SERPINB4: variants seen among roughly 807,000 people sequenced by gnomAD.
SERPINB4 encodes the protein serpin B4.
A neutral mutation model predicts 33.2 loss-of-function variants in SERPINB4; 39 were observed. The observed-to-expected ratio is 1.18, with a 90% confidence interval of 0.91 to 1.53. SERPINB4 has a LOEUF of 1.53. SERPINB4 is among the 40% of genes most tolerant of loss of function. The pLI is 0.00. For synonymous variants in SERPINB4, 191 were observed against 166.4 expected (o/e 1.15, Z -1.14); for missense variants, 564 against 455.4 (o/e 1.24, Z -2.17).
chr18:63,637,800 A>G lies in SERPINB4; in HGVS notation c.1092T>C (p.Cys364=), dbSNP rs1318958982. 6.2e-7 allele frequency: 1 copy of G among 1,613,422 alleles called. No homozygotes were observed. The highest frequency in any genetic ancestry group is 1.7e-5 in the Admixed American group (1 of 59,896). Reference sequence around the variant, plus strand: ...TGAAGAATAGGAAAGGGTGATTACAACAGAACTCTTCATTAGTTGAAGGAG... The same window carrying G: ...TGAAGAATAGGAAAGGGTGATTACAGCAGAACTCTTCATTAGTTGAAGGAG... ...LSSPSTNEEF[C]CNHPFLFFIR... Residue 364 remains cysteine (C), a synonymous_variant, in exon 8 of 8, where the codon TGT becomes TGC. Transcript: ENST00000341074.
At position 63,639,191 on chromosome 18, in the gene SERPINB4, C is replaced by G. The variant is rs147416493; in HGVS notation, c.762G>C (p.Leu254=). 4.3e-4 allele frequency: 686 copies of G among 1,607,222 alleles called. 1 individual carries two copies. The African/African-American group carries it at 8.0e-3, about 19-fold the overall frequency. The change falls in exon 7 of 8, where the codon CTG becomes CTC. Residue 254 remains leucine, a synonymous_variant. Transcript: ENST00000341074. ...TGTAGATGCAAGTTCTTACCTTCTG[C>G]AGACCATCGATTTCATTTGGCAGCA... is the stretch of plus-strand genomic sequence containing the variant. ...IVLLPNEIDG[L]QKLEEKLTAE...
Position 63,637,500 on chromosome 18 carries a change from A to G in SERPINB4, c.*219T>C, listed in dbSNP as rs1912962727. On this transcript the variant is annotated 3_prime_UTR_variant, in exon 8 of 8. Coordinates refer to ENST00000341074, the MANE Select transcript of SERPINB4 (RefSeq NM_002974.4). ...TATCTTGGACATTTTTCCTCAAGGG[A>G]AATTTTTCTGGAAGGAAAAGTACAT... is the stretch of plus-strand genomic sequence containing the variant. 6.5e-6 allele frequency: 3 copies of G among 461,442 alleles called. No individual in the cohort carries two copies. The highest frequency in any genetic ancestry group is 1.2e-4 in the South Asian group (2 of 16,734). The allele number at this position is 461,442 out of a possible 1,614,324, so 28.6% of individuals were successfully genotyped here.
intron 7 of SERPINB4, 131 bp from the exon 8 acceptor site, chr18:63,638,254 A>T: frequency 9.7e-7 from 1 of 1,033,512 alleles, no homozygotes; most frequent in Non-Finnish European, 1.4e-6. Flanking sequence ...ACTTTAATAG[A>T]CATTATTATT....
Position 63,639,331 on chromosome 18 carries a change from T to A in SERPINB4, c.622A>T (p.Lys208Ter). ...TATTGCCTCATCATCTGTACAGATTTGTATGTATTCTGCAATAAATCAATG... is the reference window on the plus strand; with the variant it reads ...TATTGCCTCATCATCTGTACAGATTAGTATGTATTCTGCAATAAATCAATG... ...EKFWPNKNTY[K>*]SVQMMRQYNS... Residue 208 changes from lysine (K) to a stop codon, truncating the protein, a stop_gained, in exon 7 of 8, where the codon AAA becomes TAA. Coordinates refer to ENST00000341074, the MANE Select transcript of SERPINB4 (RefSeq NM_002974.4). LOFTEE classifies it high-confidence loss of function. 1.9e-6 allele frequency: 3 copies of A among 1,604,338 alleles called. No individual in the cohort carries two copies. The highest frequency in any genetic ancestry group is 2.2e-5 in the East Asian group (1 of 44,646).
chr18:63,640,330 GA>G (rs1345996832), intron 5 of SERPINB4, among the ~76,000 whole-genome samples: 5 of 152,012 alleles, frequency 3.3e-5, no homozygotes, highest in Non-Finnish European at 7.4e-5. Context: ...TGGGAGGTAA[GA>G]AAGATGTCTG....
At chr18:63,641,707 G>A (rs1205164276) in intron 4 of SERPINB4, 53 bp downstream of exon 4, 9 of 1,612,222 alleles carry the variant, frequency 5.6e-6, no homozygotes, top group Non-Finnish European at 7.6e-6. Flanking sequence ...TGGCCACTCA[G>A]AGACACAGAC....
intron 1 of SERPINB4, 120 bp downstream of exon 1, chr18:63,644,089 G>A (rs1448351045): frequency 1.3e-5 from 2 of 154,942 alleles, no homozygotes; most frequent in Non-Finnish European, 2.9e-5. Flanking sequence ...ATTTTGCTCT[G>A]GCAGAATAAG....
At position 63,637,402 on chromosome 18, in the gene SERPINB4, TG is replaced by T. The variant is rs952580199; in HGVS notation, c.*316del. 2 of 217,916 alleles carry T rather than the reference TG, an allele frequency of 9.2e-6. No individual in the cohort carries two copies. The highest frequency in any genetic ancestry group is 4.6e-5 in the African/African-American group (2 of 43,944). 13.5% of individuals were successfully genotyped at this position (217,916 alleles called of 1,614,324 possible). A position where few individuals can be genotyped will look rare whatever the true frequency, so the allele number is the denominator to read the frequency against. On this transcript the variant is annotated 3_prime_UTR_variant, in exon 8 of 8. Transcript: ENST00000341074. ...TTTGAAGAGAAAGTATGATTTGGTT[TG>T]GTTCATTTAAAACAGGTCAGAAACA...
chr18:63,640,524 T>A (rs756994528), intron 5 of SERPINB4, among the ~76,000 whole-genome samples: 18 of 152,116 alleles, frequency 1.2e-4, no homozygotes, highest in Non-Finnish European at 2.4e-4. Context: ...TTCTAATGTT[T>A]TCTATTAAAT....
chr18:63,642,641 C>G (rs368921519), intron 3 of SERPINB4, among the ~76,000 whole-genome samples: 60 of 152,144 alleles, frequency 3.9e-4, no homozygotes, highest in East Asian at 2.3e-3. Context: ...CCAAAATATA[C>G]TTGGACTTGT....
At chr18:63,640,483 T>C (rs1223239030) in intron 5 of SERPINB4, among the ~76,000 whole-genome samples, 4 of 152,080 alleles carry the variant, frequency 2.6e-5, no homozygotes, top group Non-Finnish European at 5.9e-5. Flanking sequence ...AGCTGCTTGT[T>C]TCCCAATTAG....
intron 7 of SERPINB4, among the ~76,000 whole-genome samples, chr18:63,638,509 A>T (rs1407859964): frequency 2.0e-5 from 3 of 151,956 alleles, no homozygotes; most frequent in East Asian, 1.9e-4. Context: ...TAGGCTCATC[A>T]TATTTTTCTG....
At position 63,637,983 on chromosome 18, in the gene SERPINB4, T is replaced by A. The variant is rs780885763; in HGVS notation, c.909A>T (p.Gly303=). The A allele has an allele frequency of 3.7e-6, 6 of 1,613,652 alleles. No individual in the cohort carries two copies. The Admixed American group carries it at 8.4e-5, about 22-fold the overall frequency. Residue 303 remains glycine (G), a synonymous_variant, in exon 8 of 8, where the codon GGA becomes GGT. Transcript: ENST00000341074. The part of the protein sequence containing the change: ...YDLKDTLRTM[G]MVNIFNGDAD... ...CATCCCCATTGAAGATATTCACCAT[T>A]CCCATGGTTCTCAACGTGTCCTTGA...
At chr18:63,641,075 T>C in intron 4 of SERPINB4, 84 bp from the exon 5 acceptor site, 2 of 1,162,460 alleles carry the variant, frequency 1.7e-6, no homozygotes, top group Non-Finnish European at 1.3e-6. Flanking sequence ...GTAACAACAG[T>C]AAGCTGAATC....
In SERPINB4 at chr18:63,638,116, T is replaced by G; in HGVS notation, c.776A>C (p.Glu259Ala). Residue 259 changes from glutamate to alanine, a missense_variant, in exon 8 of 8, where the codon GAG becomes GCG. By Grantham distance (107) the Glu-to-Ala change is moderately radical. Coordinates refer to ENST00000341074, the MANE Select transcript of SERPINB4 (RefSeq NM_002974.4). ...CATCAATTTCTCAGCAGTGAGTTTCTCTTCAAGCTATACAAATGGAAAAAA... is the reference window on the plus strand; with the variant it reads ...CATCAATTTCTCAGCAGTGAGTTTCGCTTCAAGCTATACAAATGGAAAAAA... ...NEIDGLQKLEEKLTAEKLMEW... is the reference protein window; with the variant it reads ...NEIDGLQKLEAKLTAEKLMEW... 1 of 1,612,644 alleles carries G rather than the reference T, an allele frequency of 6.2e-7. No individual in the cohort carries two copies. The highest frequency in any genetic ancestry group is 1.1e-5 in the South Asian group (1 of 90,984).
intron 5 of SERPINB4, 29 bp downstream of exon 5, chr18:63,640,845 G>T: frequency 1.3e-6 from 2 of 1,575,502 alleles, no homozygotes; most frequent in African/African-American, 1.4e-5. Context: ...GTTTCTCAAA[G>T]GTGTTTCTAT....
In SERPINB4 at chr18:63,641,740, G is replaced by C; in HGVS notation, c.351+20C>G. 3 of 1,612,986 alleles carry C rather than the reference G, an allele frequency of 1.9e-6. No individual in the cohort carries two copies. Among genetic ancestry groups the C allele is most frequent in the Non-Finnish European group, 2.5e-6 (3 of 1,179,232 alleles). ...GACATCAGGATGCAAATGAAATGTG[G>C]GTAGGCCAGGTGAAATTACCTGTAA... is the stretch of plus-strand genomic sequence containing the variant. On this transcript the variant is annotated intron_variant, in intron 4 of 7. Transcript: ENST00000341074.
intron 2 of SERPINB4, 45 bp downstream of exon 2, chr18:63,643,368 C>G: frequency 6.2e-7 from 1 of 1,612,348 alleles, no homozygotes; most frequent in African/African-American, 1.3e-5. Flanking sequence ...CCGACGGAAC[C>G]AGAGAAAAAC....
chr18:63,639,221 A>C lies in SERPINB4; in HGVS notation c.732T>G (p.Ile244Met), dbSNP rs778266751. Residue 244 changes from isoleucine (I) to methionine (M), a missense_variant, in exon 7 of 8, where the codon ATT (isoleucine) becomes ATG (methionine). Ile to Met is a conservative substitution (Grantham distance 10). Coordinates refer to ENST00000341074, the MANE Select transcript of SERPINB4 (RefSeq NM_002974.4). ...IPYKGKDLSMIVLLPNEIDGL... is the reference protein window; with the variant it reads ...IPYKGKDLSMMVLLPNEIDGL... ...CATCGATTTCATTTGGCAGCAGCAC[A>C]ATCATGCTTAGATCTTTGCCTTTGT... The C allele has an allele frequency of 6.2e-7, 1 of 1,611,386 alleles. No individual in the cohort carries two copies. Among genetic ancestry groups the C allele is most frequent in the Admixed American group, 1.7e-5 (1 of 59,880 alleles).
Sources: allele counts gnomAD v4.1 joint callset (sites outside exome capture counted in the v4.1 genomes callset), GRCh38; gene constraint gnomAD v4.1.1; transcripts MANE v1.5; gene names NCBI Gene and HGNC (gene_info 2026-07-23, HGNC 2026-07-21).